C2orf69: variants seen among roughly 807,000 people sequenced by gnomAD.
C2orf69 encodes chromosome 2 open reading frame 69.
A neutral mutation model predicts 29.5 loss-of-function variants in C2orf69; 19 were observed. The ratio of observed to expected loss-of-function variants is 0.65; its 90% CI spans 0.45 to 0.95. The LOEUF (loss-of-function observed/expected upper bound fraction) is 0.95. Ranked by LOEUF, C2orf69 falls within the 40% of genes least tolerant of loss-of-function variation. The probability of loss-of-function intolerance (pLI) is 0.00; values close to 1 mark genes in which losing one functional copy is unlikely to be tolerated. For synonymous variants in C2orf69, 194 were observed against 180.0 expected (o/e 1.08, Z -0.62); for missense variants, 416 against 482.1 (o/e 0.86, Z 1.28).
At chr2:199,923,266 A>G (rs559554277) in intron 1 of C2orf69, among the ~76,000 whole-genome samples, 1 of 152,120 alleles carries the variant, frequency 6.6e-6, no homozygotes, top group Non-Finnish European at 1.5e-5. Context: ...TAATATATAT[A>G]TTTTTTGAAA....
At chr2:199,924,612 A>G (rs1187355144) in intron 1 of C2orf69, among the ~76,000 whole-genome samples, 3 of 152,210 alleles carry the variant, frequency 2.0e-5, no homozygotes, top group Non-Finnish European at 2.9e-5. Context: ...TCAGGTTGCT[A>G]GAGAAATCCA....
chr2:199,925,938 G>C lies in C2orf69; in HGVS notation c.*52G>C, dbSNP rs527831493. On this transcript the variant is annotated 3_prime_UTR_variant, in exon 2 of 2. Transcript: ENST00000319974. The surrounding 1 kb of genome is among the most constrained non-coding windows in gnomAD (Gnocchi z 4.9). Reference sequence around the variant, plus strand: ...TCAGTGGAAGAACATAAGCACTTTTGAGTGTTATAAATTCAGATAATGGGA... The same window carrying C: ...TCAGTGGAAGAACATAAGCACTTTTCAGTGTTATAAATTCAGATAATGGGA... The C allele has an allele frequency of 8.1e-7, 1 of 1,237,382 alleles. No homozygotes were observed. Among genetic ancestry groups the C allele is most frequent in the African/African-American group, 1.5e-5 (1 of 66,760 alleles). 76.7% of individuals were successfully genotyped at this position (1,237,382 alleles called of 1,614,324 possible).
At chr2:199,923,762 CTT>C (rs1465639555) in intron 1 of C2orf69, among the ~76,000 whole-genome samples, 1 of 152,170 alleles carries the variant, frequency 6.6e-6, no homozygotes, top group Non-Finnish European at 1.5e-5. Flanking sequence ...CACCTGTTAA[CTT>C]TTTACTTTTT....
chr2:199,925,103 A>G lies in C2orf69; in HGVS notation c.375A>G (p.Gln125=), dbSNP rs190789042. ...EIMTRHPENY[Q]WENWSLENVA... is the part of the protein sequence containing the mutation. Reference sequence around the variant, plus strand: ...TGACTCGTCATCCTGAGAATTATCAATGGGAAAACTGGAGTCTAGAAAATG... The same window carrying G: ...TGACTCGTCATCCTGAGAATTATCAGTGGGAAAACTGGAGTCTAGAAAATG... The change falls in exon 2 of 2, where the codon CAA becomes CAG. Residue 125 remains glutamine (Q), a synonymous_variant. Coordinates refer to ENST00000319974, the MANE Select transcript of C2orf69 (RefSeq NM_153689.6). This position sits in a 1 kb window ranked among gnomAD's most constrained non-coding sequence, Gnocchi z 4.9. 86 of 1,612,382 alleles carry G rather than the reference A, an allele frequency of 5.3e-5. No homozygotes were observed. Among genetic ancestry groups the G allele is most frequent in the African/African-American group, 2.3e-4 (17 of 75,008 alleles).
intron 1 of C2orf69, among the ~76,000 whole-genome samples, chr2:199,917,160 G>A (rs78419528): frequency 0.042 from 6,406 of 152,286 alleles, 221 homozygotes; most frequent in East Asian, 0.17. Context: ...TTTTAGCCAC[G>A]GTGGGACACA....
At chr2:199,917,703 A>G (rs1228081139) in intron 1 of C2orf69, among the ~76,000 whole-genome samples, 1 of 152,018 alleles carries the variant, frequency 6.6e-6, no homozygotes, top group Non-Finnish European at 1.5e-5. Context: ...ACTTTCCCAC[A>G]TTTTCCTGTT....
At chr2:199,912,359 G>A (rs1460733218) in intron 1 of C2orf69, among the ~76,000 whole-genome samples, 1 of 152,168 alleles carries the variant, frequency 6.6e-6, no homozygotes, top group Non-Finnish European at 1.5e-5. Context: ...ATAGCTGCAG[G>A]TAAATATCCG....
At chr2:199,920,849 G>A (rs73066802) in intron 1 of C2orf69, among the ~76,000 whole-genome samples, 96,321 of 146,494 alleles carry the variant, frequency 0.66, 32,197 homozygotes, top group Middle Eastern at 0.77. Flanking sequence ...CCAGCTACTC[G>A]GGAGGCTGAG....
At position 199,925,961 on chromosome 2, in the gene C2orf69, G is replaced by C; in HGVS notation, c.*75G>C. The C allele has an allele frequency of 1.0e-6, 1 of 970,376 alleles. No homozygotes were observed. The highest frequency in any genetic ancestry group is 1.5e-6 in the Non-Finnish European group (1 of 654,084). The allele number at this position is 970,376 out of a possible 1,614,324, so 60.1% of individuals were successfully genotyped here. A position where few individuals can be genotyped will look rare whatever the true frequency, so the allele number is the denominator to read the frequency against. ...TTGAGTGTTATAAATTCAGATAATGGGATGTAATTCATAGCTGCATTGTCA... is the reference window on the plus strand; with the variant it reads ...TTGAGTGTTATAAATTCAGATAATGCGATGTAATTCATAGCTGCATTGTCA... On this transcript the variant is annotated 3_prime_UTR_variant, in exon 2 of 2. Transcript: ENST00000319974. This position sits in a 1 kb window ranked among gnomAD's most constrained non-coding sequence, Gnocchi z 4.9.
chr2:199,911,631 C>CCG lies in C2orf69; in HGVS notation c.195_196dup (p.Gln66ArgfsTer53). On this transcript the variant is annotated frameshift_variant, in exon 1 of 2. Transcript: ENST00000319974. LOFTEE classifies it high-confidence loss of function. Reference sequence around the variant, plus strand: ...GCTTTCCACCGTGCCTGGAGCCGATCCGCAGCGCAGCAACGAATTGCTCCT... The same window carrying CCG: ...GCTTTCCACCGTGCCTGGAGCCGATCCGCGCAGCGCAGCAACGAATTGCTCCT... 1 of 1,549,424 alleles carries CCG rather than the reference C, an allele frequency of 6.5e-7. No homozygotes were observed. The highest frequency in any genetic ancestry group is 8.7e-7 in the Non-Finnish European group (1 of 1,146,534).
rs57970244 is a variant in C2orf69 at position 199,927,308 on chromosome 2, TAAAAAAAAAAA to T, written c.*1432_*1442del. 5.2e-5 allele frequency: 6 copies of T among 115,474 alleles called. No individual in the cohort carries two copies. The highest frequency in any genetic ancestry group is 8.9e-5 in the Non-Finnish European group (5 of 55,936). 7.2% of individuals were successfully genotyped at this position (115,474 alleles called of 1,614,324 possible). On this transcript the variant is annotated 3_prime_UTR_variant, in exon 2 of 2. Coordinates refer to ENST00000319974, the MANE Select transcript of C2orf69 (RefSeq NM_153689.6). ...GGGAAGTAACATGCTGCTTTAGGAC[TAAAAAAAAAAA>T]AAAAAAAAAGACACTGAAGCTTAAT...
Position 199,925,827 on chromosome 2 carries a change from C to T in C2orf69, c.1099C>T (p.His367Tyr). 6.2e-7 allele frequency: 1 copy of T among 1,613,744 alleles called. No homozygotes were observed. Among genetic ancestry groups the T allele is most frequent in the East Asian group, 2.2e-5 (1 of 44,866 alleles). Residue 367 changes from histidine to tyrosine, a missense_variant, in exon 2 of 2, where the codon CAT becomes TAT. Transcript: ENST00000319974. This position sits in a 1 kb window ranked among gnomAD's most constrained non-coding sequence, Gnocchi z 4.9. ...TGGTATGCAGGTGACTAGCCAAATT[C>T]ATTTTACAAAGGAAGCTCCTTCCAT... is the stretch of plus-strand genomic sequence containing the variant. ...DLGMQVTSQI[H>Y]FTKEAPSIEN...
Position 199,911,434 on chromosome 2 carries a change from G to C in C2orf69, c.-5G>C. ...ACCTCCGAACCGCTCTCGCGGCGGC[G>C]ACCCATGTGGGGGTTCAGGCTCCTG... is the stretch of plus-strand genomic sequence containing the variant. On this transcript the variant is annotated 5_prime_UTR_variant, in exon 1 of 2. Transcript: ENST00000319974. 1.3e-6 allele frequency: 2 copies of C among 1,512,770 alleles called. No homozygotes were observed. The highest frequency in any genetic ancestry group is 1.8e-6 in the Non-Finnish European group (2 of 1,130,834). 93.7% of individuals were successfully genotyped at this position (1,512,770 alleles called of 1,614,324 possible).
intron 1 of C2orf69, among the ~76,000 whole-genome samples, chr2:199,923,479 C>G (rs1381778556): frequency 6.6e-6 from 1 of 152,086 alleles, no homozygotes; most frequent in African/African-American, 2.4e-5. Context: ...TAATGGAAAA[C>G]TTTTAAGTAT....
rs2077336452 is a variant in C2orf69, at chr2:199,926,681, ATTGT to A, written c.*798_*801del. 1 of 152,622 alleles carries A rather than the reference ATTGT, an allele frequency of 6.6e-6. No individual in the cohort carries two copies. The highest frequency in any genetic ancestry group is 2.1e-4 in the South Asian group (1 of 4,832). 9.5% of individuals were successfully genotyped at this position (152,622 alleles called of 1,614,324 possible). A position where few individuals can be genotyped will look rare whatever the true frequency, so the allele number is the denominator to read the frequency against. On this transcript the variant is annotated 3_prime_UTR_variant, in exon 2 of 2. Transcript: ENST00000319974. ...CAAAACAAAATTACACTTAAGCACTATTGTTTAATTTTTAATTGTCAGTTTATCA... is the reference window on the plus strand; with the variant it reads ...CAAAACAAAATTACACTTAAGCACTATTAATTTTTAATTGTCAGTTTATCA...
intron 1 of C2orf69, among the ~76,000 whole-genome samples, chr2:199,913,242 A>AT (rs376263732): frequency 3.5e-5 from 3 of 84,814 alleles, no homozygotes; most frequent in African/African-American, 9.9e-5. Context: ...TAATATATAT[A>AT]ATATATATTA....
intron 1 of C2orf69, among the ~76,000 whole-genome samples, chr2:199,921,669 G>A (rs2077316623): frequency 6.6e-6 from 1 of 151,982 alleles, no homozygotes; most frequent in Non-Finnish European, 1.5e-5. Context: ...AATCTGTATT[G>A]ATATGGAACC....
Position 199,925,412 on chromosome 2 carries a change from T to TGG in C2orf69, c.685_686dup (p.Cys230ValfsTer7), listed in dbSNP as rs1159295061. ...GATCCAGTCCTTCTCATACTACGAA[T>TGG]GGTTGCCAGGGAGAAAAAGTGAGGA... is the stretch of plus-strand genomic sequence containing the variant. On this transcript the variant is annotated frameshift_variant, in exon 2 of 2. Transcript: ENST00000319974. LOFTEE classifies it high-confidence loss of function. This position sits in a 1 kb window ranked among gnomAD's most constrained non-coding sequence, Gnocchi z 4.9. The TGG allele has an allele frequency of 6.2e-7, 1 of 1,613,840 alleles. No individual in the cohort carries two copies. The highest frequency in any genetic ancestry group is 8.5e-7 in the Non-Finnish European group (1 of 1,179,840).
At chr2:199,920,953 CAAAAA>C (rs1284333280) in intron 1 of C2orf69, among the ~76,000 whole-genome samples, 3 of 45,902 alleles carry the variant, frequency 6.5e-5, no homozygotes, top group African/African-American at 9.2e-5. Context: ...CTGAGACTCT[CAAAAA>C]AAAAAAAAAA....
Sources: gnomAD v4.1 joint callset for allele counts (sites outside exome capture counted in the v4.1 genomes callset) on GRCh38, gnomAD v4.1.1 for gene constraint, Gnocchi (gnomAD v3.1) non-coding constraint, MANE v1.5 for transcripts, NCBI Gene and HGNC (gene_info 2026-07-23, HGNC 2026-07-21) for gene names.